Variants in FRMD4B observed in about 807,000 individuals in gnomAD.
FRMD4B encodes the protein FERM domain-containing protein 4B.
FRMD4B carries 74 observed loss-of-function variants against 141.5 expected under a neutral mutation model. The ratio of observed to expected loss-of-function variants is 0.52; its 90% CI spans 0.43 to 0.63. The LOEUF is 0.63. Among genes scored for constraint, FRMD4B ranks in the 30% least tolerant of loss-of-function variants. The probability of loss-of-function intolerance (pLI) is 0.00; values close to 1 mark genes in which losing one functional copy is unlikely to be tolerated. For missense variants in FRMD4B, 1,366 were observed against 1,253.4 expected (o/e 1.09, Z -1.36); for synonymous variants, 506 against 467.9 (o/e 1.08, Z -1.05).
chr3:69,206,114 G>A (rs1285362584), intron 11 of FRMD4B, among the ~76,000 whole-genome samples: 4 of 152,168 alleles, frequency 2.6e-5, no homozygotes, highest in African/African-American at 9.7e-5. Context: ...TACTTTGGGA[G>A]GCCGGGGTGG....
chr3:69,530,875 A>G (rs1701000288), intron 1 of FRMD4B, among the ~76,000 whole-genome samples: 1 of 152,210 alleles, frequency 6.6e-6, no homozygotes, highest in African/African-American at 2.4e-5. Flanking sequence ...TTAACGAAAA[A>G]CATACCAATA....
At chr3:69,250,136 G>A (rs775113588) in intron 5 of FRMD4B, 37 bp from the exon 6 acceptor site, 1 of 1,434,928 alleles carries the variant, frequency 7.0e-7, no homozygotes, top group South Asian at 1.1e-5. Context: ...TGAACATGGG[G>A]CTGTCCTAGA....
chr3:69,476,579 C>T (rs1213730881), intron 1 of FRMD4B, among the ~76,000 whole-genome samples: 6 of 152,066 alleles, frequency 3.9e-5, no homozygotes, highest in Admixed American at 3.3e-4. Flanking sequence ...GTTTTGGTAC[C>T]AGTACCCTGC....
chr3:69,200,795 T>C (rs1363823982), intron 11 of FRMD4B: 6 of 602,902 alleles, frequency 1.0e-5, no homozygotes, highest in Middle Eastern at 2.9e-4. Context: ...AAGACATTTC[T>C]ACCCTAGTTT....
intron 5 of FRMD4B, among the ~76,000 whole-genome samples, chr3:69,264,316 T>C (rs968662991): frequency 6.6e-6 from 1 of 152,182 alleles, no homozygotes; most frequent in African/African-American, 2.4e-5. Context: ...TTTGCCACAG[T>C]TGTAGCTCCA....
intron 1 of FRMD4B, among the ~76,000 whole-genome samples, chr3:69,327,550 G>T (rs563242452): frequency 6.6e-6 from 1 of 152,092 alleles, no homozygotes; most frequent in Admixed American, 6.5e-5. Flanking sequence ...TCAATTTTTC[G>T]TCAACCCTGT....
intron 2 of FRMD4B, among the ~76,000 whole-genome samples, chr3:69,410,726 AATATATATATATATATATATATAT>A (rs767608068): frequency 1.9e-4 from 16 of 86,344 alleles, no homozygotes; most frequent in African/African-American, 4.5e-4. Flanking sequence ...TAAATAAATA[AATATATATATATATATATATATAT>A]ATATATATAT....
At position 69,354,965 on chromosome 3, in the gene FRMD4B, G is replaced by A. The variant is rs1703270345; in HGVS notation, c.162+30863C>T. Among the ~76,000 whole-genome samples the A allele has an allele frequency of 2.0e-5, 3 of 151,404 alleles. No homozygotes were observed. The South Asian group carries it at 6.2e-4, about 31-fold the overall frequency. Reference sequence around the variant, plus strand: ...TCCCAATTGGACGGGTTGGATGTTAGAAGAAACAAGTTACTTAAACATTAT... The same window carrying A: ...TCCCAATTGGACGGGTTGGATGTTAAAAGAAACAAGTTACTTAAACATTAT... On this transcript the variant is annotated intron_variant, in intron 1 of 22. Coordinates refer to ENST00000398540, the MANE Select transcript of FRMD4B (RefSeq NM_015123.3).
chr3:69,413,036 T>G (rs761359948), intron 2 of FRMD4B, among the ~76,000 whole-genome samples: 18 of 151,942 alleles, frequency 1.2e-4, no homozygotes, highest in Non-Finnish European at 2.4e-4. Flanking sequence ...TATTCATACC[T>G]CTATTGCAGT....
At chr3:69,282,551 A>G (rs767210291) in intron 5 of FRMD4B, among the ~76,000 whole-genome samples, 5 of 152,236 alleles carry the variant, frequency 3.3e-5, no homozygotes, top group Admixed American at 2.6e-4. Context: ...ACAATCATAC[A>G]TCTTAAGAAA....
At chr3:69,330,056 T>C (rs559662688) in intron 1 of FRMD4B, among the ~76,000 whole-genome samples, 1 of 152,260 alleles carries the variant, frequency 6.6e-6, no homozygotes, top group Admixed American at 6.5e-5. Flanking sequence ...TCCAGCTCTT[T>C]TGCCACTGGA....
chr3:69,291,943 G>A (rs1002491902), intron 4 of FRMD4B, among the ~76,000 whole-genome samples: 1 of 120,668 alleles, frequency 8.3e-6, no homozygotes, highest in African/African-American at 3.2e-5. Context: ...TCCATCTTTG[G>A]TACCACCAGA....
At chr3:69,360,049 C>T (rs1015082808) in intron 1 of FRMD4B, among the ~76,000 whole-genome samples, 2 of 152,186 alleles carry the variant, frequency 1.3e-5, no homozygotes, top group African/African-American at 2.4e-5. Context: ...CTCAGGCATT[C>T]TGTTAGATTT....
At chr3:69,458,849 TAAAA>T (rs35229515) in intron 1 of FRMD4B, among the ~76,000 whole-genome samples, 6 of 82,164 alleles carry the variant, frequency 7.3e-5, no homozygotes, top group African/African-American at 2.4e-4. Context: ...ATGGGCTGCT[TAAAA>T]AAAAAAAAAA....
At chr3:69,366,484 C>A (rs1201288163) in intron 1 of FRMD4B, among the ~76,000 whole-genome samples, 1 of 103,206 alleles carries the variant, frequency 9.7e-6, no homozygotes, top group Non-Finnish European at 2.0e-5. Context: ...TGGTATCTCC[C>A]CTGCCAGGTA....
intron 1 of FRMD4B, among the ~76,000 whole-genome samples, chr3:69,535,398 C>T (rs1701068834): frequency 6.6e-6 from 1 of 152,126 alleles, no homozygotes; most frequent in South Asian, 2.1e-4. Flanking sequence ...ATGAGGGCAC[C>T]CTCATGGACA....
intron 1 of FRMD4B, among the ~76,000 whole-genome samples, chr3:69,473,912 G>C (rs777354363): frequency 7.9e-5 from 12 of 152,068 alleles, no homozygotes; most frequent in Non-Finnish European, 1.5e-4. Flanking sequence ...ATCTTTCAAG[G>C]GTTTGCGCTT....
chr3:69,377,183 C>A (rs1490871873), intron 1 of FRMD4B: 1 of 152,066 alleles, frequency 6.6e-6, no homozygotes, highest in Non-Finnish European at 1.5e-5. Context: ...TAGTTCCCTG[C>A]CATAAAATCT....
chr3:69,289,470 C>T (rs964867546), intron 4 of FRMD4B, among the ~76,000 whole-genome samples: 32 of 152,250 alleles, frequency 2.1e-4, no homozygotes, highest in Admixed American at 1.3e-3. Context: ...TCCACTGCCC[C>T]GGACACTGTA....
Sources: allele counts gnomAD v4.1 joint callset (sites outside exome capture counted in the v4.1 genomes callset), GRCh38; gene constraint gnomAD v4.1.1; transcripts MANE v1.5; gene names NCBI Gene and HGNC (gene_info 2026-07-23, HGNC 2026-07-21).